Variants in RSF1 observed in about 807,000 individuals in gnomAD.
RSF1 encodes HBV pX-associated protein 8.
In RSF1, 13 loss-of-function variants were observed where a neutral mutation model predicts 145.2. The observed-to-expected ratio is 0.09, with a 90% CI of 0.06 to 0.14. The LOEUF (loss-of-function observed/expected upper bound fraction) is 0.14. Among genes scored for constraint, RSF1 ranks in the 10% least tolerant of loss-of-function variants. RSF1 has a pLI of 1.00. For missense variants in RSF1, 1,517 were observed against 1,718.2 expected (o/e 0.88, Z 2.07); for synonymous variants, 577 against 592.6 (o/e 0.97, Z 0.38).
chr11:77,749,291 A>G (rs1316726944), intron 2 of RSF1, among the ~76,000 whole-genome samples: 1 of 152,162 alleles, frequency 6.6e-6, no homozygotes, highest in Non-Finnish European at 1.5e-5. Flanking sequence ...TTAAACGGTA[A>G]ATTTTCTGGT....
At chr11:77,805,378 T>C (rs967515978) in intron 1 of RSF1, among the ~76,000 whole-genome samples, 2 of 151,510 alleles carry the variant, frequency 1.3e-5, no homozygotes, top group African/African-American at 4.9e-5. Flanking sequence ...GAGGCAGAGG[T>C]TGCAATGAGC....
intron 5 of RSF1, among the ~76,000 whole-genome samples, chr11:77,717,535 G>A (rs1157294653): frequency 6.6e-6 from 1 of 152,212 alleles, no homozygotes; most frequent in Non-Finnish European, 1.5e-5. Context: ...AGTGTTGTCT[G>A]TAGTAGTTTT....
intron 2 of RSF1, among the ~76,000 whole-genome samples, chr11:77,760,915 TTC>T (rs1197262943): frequency 6.6e-6 from 1 of 150,728 alleles, no homozygotes; most frequent in African/African-American, 2.4e-5. Flanking sequence ...GTTATTTTCT[TTC>T]TTTTTTTTTT....
At chr11:77,834,451 T>TG in the RSF1 span, among the ~76,000 whole-genome samples, 1 of 148,816 alleles carries the variant, frequency 6.7e-6, no homozygotes, top group East Asian at 1.9e-4. Flanking sequence ...GTTTTTTTTT[T>TG]TTTTTTTTTT....
At chr11:77,737,642 G>GTGTGTGTGTGTT (rs1961396923) in intron 4 of RSF1, among the ~76,000 whole-genome samples, 1 of 93,766 alleles carries the variant, frequency 1.1e-5, no homozygotes, top group Non-Finnish European at 2.5e-5. Context: ...GTGTGTGTGT[G>GTGTGTGTGTGTT]TGTGTGTGTG....
At chr11:77,673,944 G>C (rs928024531) in intron 14 of RSF1, among the ~76,000 whole-genome samples, 2 of 151,964 alleles carry the variant, frequency 1.3e-5, no homozygotes, top group Non-Finnish European at 1.5e-5. Flanking sequence ...AAAGAGATGT[G>C]AATAAACGCA....
chr11:77,694,130 T>C (rs954239862), intron 7 of RSF1, among the ~76,000 whole-genome samples: 12 of 152,220 alleles, frequency 7.9e-5, no homozygotes, highest in Non-Finnish European at 1.8e-4. Context: ...CTATAAAATT[T>C]AGTTAAAAAT....
At chr11:77,669,829 T>G in intron 15 of RSF1, among the ~76,000 whole-genome samples, 1 of 152,144 alleles carries the variant, frequency 6.6e-6, no homozygotes, top group East Asian at 1.9e-4. Context: ...AATCTTCCAG[T>G]AAAAACTGTA....
At chr11:77,728,862 C>A (rs1420754955) in intron 4 of RSF1, among the ~76,000 whole-genome samples, 3 of 140,814 alleles carry the variant, frequency 2.1e-5, no homozygotes, top group African/African-American at 5.6e-5. Context: ...AGATGCATAA[C>A]TTGTAAAAAA....
At chr11:77,719,092 A>T (rs919342202) in intron 5 of RSF1, among the ~76,000 whole-genome samples, 1 of 152,058 alleles carries the variant, frequency 6.6e-6, no homozygotes, top group Non-Finnish European at 1.5e-5. Flanking sequence ...ACAAAAAATT[A>T]AAAAAGTAGC....
At chr11:77,671,416 G>C (rs1228528210) in intron 15 of RSF1, among the ~76,000 whole-genome samples, 1 of 151,336 alleles carries the variant, frequency 6.6e-6, no homozygotes, top group African/African-American at 2.4e-5. Context: ...AAGGACATAA[G>C]AGGTTATTTC....
the RSF1 span, among the ~76,000 whole-genome samples, chr11:77,870,320 T>A: frequency 1.4e-5 from 2 of 148,120 alleles, no homozygotes; most frequent in Admixed American, 6.7e-5. Context: ...ACGTCTGGCC[T>A]ATTTTTTAAT....
chr11:77,813,597 C>A, intron 1 of RSF1: 2 of 651,242 alleles, frequency 3.1e-6, no homozygotes, highest in Non-Finnish European at 5.6e-6. Flanking sequence ...TTTTATGTTG[C>A]GGCTCGTTAG....
intron 8 of RSF1, chr11:77,691,822 T>C (rs1189053791): frequency 6.6e-6 from 1 of 152,284 alleles, no homozygotes; most frequent in Admixed American, 6.5e-5. Context: ...CTGAAAAATG[T>C]ACTTGATAAT....
chr11:77,735,350 A>G (rs1961322276), intron 4 of RSF1, among the ~76,000 whole-genome samples: 1 of 152,184 alleles, frequency 6.6e-6, no homozygotes, highest in Non-Finnish European at 1.5e-5. Context: ...AACTATGTAA[A>G]ATTATCCCTT....
At chr11:77,717,403 G>A (rs1224458696) in intron 5 of RSF1, among the ~76,000 whole-genome samples, 2 of 152,060 alleles carry the variant, frequency 1.3e-5, no homozygotes, top group African/African-American at 4.8e-5. Flanking sequence ...GTTGTCACCT[G>A]GGAGAAAACA....
chr11:77,806,129 C>G (rs1042067143), intron 1 of RSF1, among the ~76,000 whole-genome samples: 4 of 151,970 alleles, frequency 2.6e-5, no homozygotes, highest in African/African-American at 4.8e-5. Flanking sequence ...ACTGCCTTTC[C>G]AACACCCCAA....
Position 77,663,762 on chromosome 11 carries a change from T to G in RSF1, c.*3155A>C, listed in dbSNP as rs1223654801. The G allele has an allele frequency of 6.6e-6, 1 of 152,222 alleles. No homozygotes were observed. The highest frequency in any genetic ancestry group is 2.4e-5 in the African/African-American group (1 of 41,468). The allele number at this position is 152,222 out of a possible 1,614,324, so 9.4% of individuals were successfully genotyped here. ...TCAGTCTGCGTCCTTTTCACACATATTTCAGTTCAAAGCTTCTGCTGTGTG... is the reference window on the plus strand; with the variant it reads ...TCAGTCTGCGTCCTTTTCACACATAGTTCAGTTCAAAGCTTCTGCTGTGTG... On this transcript the variant is annotated 3_prime_UTR_variant, in exon 16 of 16. Coordinates refer to ENST00000308488, the MANE Select transcript of RSF1 (RefSeq NM_016578.4).
chr11:77,739,447 G>A (rs565215963), intron 4 of RSF1: 1 of 152,244 alleles, frequency 6.6e-6, no homozygotes, highest in Non-Finnish European at 1.5e-5. Context: ...TTTTAGTTTA[G>A]GACTACTTTG....
Sources: allele counts gnomAD v4.1 joint callset (sites outside exome capture counted in the v4.1 genomes callset), GRCh38; gene constraint gnomAD v4.1.1; transcripts MANE v1.5; gene names NCBI Gene and HGNC (gene_info 2026-07-23, HGNC 2026-07-21).